SSRP1: variants seen among roughly 807,000 people sequenced by gnomAD.
SSRP1 encodes FACT complex subunit SSRP1.
Under a neutral mutation model 84.4 loss-of-function variants are expected in SSRP1, and 21 were observed. That is an observed-to-expected ratio of 0.25 (90% confidence interval 0.18 to 0.36). The LOEUF (loss-of-function observed/expected upper bound fraction) is 0.36, where lower values mean the gene tolerates loss of function less well. Among genes scored for constraint, SSRP1 ranks in the 10% least tolerant of loss-of-function variants. The probability of loss-of-function intolerance (pLI) is 1.00; values close to 1 mark genes in which losing one functional copy is unlikely to be tolerated. For synonymous variants in SSRP1, 319 were observed against 318.3 expected, an observed-to-expected ratio of 1.00 and a Z score of -0.02; for missense variants, 519 against 900.8, an observed-to-expected ratio of 0.58 and a Z score of 5.43.
chr11:57,329,240 C>T (rs1856044144), intron 12 of SSRP1: 1 of 152,196 alleles, frequency 6.6e-6, no homozygotes, highest in African/African-American at 2.4e-5. Context: ...GCCCGACATT[C>T]TTTTACAATC....
At position 57,335,457 on chromosome 11, in the gene SSRP1, T is replaced by A; in HGVS notation, c.-119-217A>T. ...CTGACACCCAACCCGACGCCCGCTC[T>A]GGCCGCTCCGGCGGGAGCCATGGCA... On this transcript the variant is annotated intron_variant, in intron 1 of 16. Coordinates refer to ENST00000278412, the MANE Select transcript of SSRP1 (RefSeq NM_003146.3). The surrounding 1 kb of genome is among the most constrained non-coding windows in gnomAD (Gnocchi z 4.6). 3.1e-6 allele frequency: 1 copy of A among 324,198 alleles called. No individual in the cohort carries two copies. The highest frequency in any genetic ancestry group is 2.9e-5 in the South Asian group (1 of 34,432). The allele number at this position is 324,198 out of a possible 1,614,324, so 20.1% of individuals were successfully genotyped here.
rs1590607459 is a variant in SSRP1 at position 57,330,541 on chromosome 11, C to A, written c.1297-112G>T. ...AGTCAGAGCAGCAGCTCCCAGAAGACCTGGGGCTGGATTGTCCACACACAG... is the reference window on the plus strand; with the variant it reads ...AGTCAGAGCAGCAGCTCCCAGAAGAACTGGGGCTGGATTGTCCACACACAG... On this transcript the variant is annotated intron_variant, in intron 10 of 16. Coordinates refer to ENST00000278412, the MANE Select transcript of SSRP1 (RefSeq NM_003146.3). The surrounding 1 kb of genome is among the most constrained non-coding windows in gnomAD (Gnocchi z 4.0). 1 of 1,509,314 alleles carries A rather than the reference C, an allele frequency of 6.6e-7. No homozygotes were observed. Among genetic ancestry groups the A allele is most frequent in the East Asian group, 2.3e-5 (1 of 43,034 alleles). 93.5% of individuals were successfully genotyped at this position (1,509,314 alleles called of 1,614,324 possible).
chr11:57,333,573 T>A lies in SSRP1; in HGVS notation c.241-33A>T, dbSNP rs769977148. The A allele has an allele frequency of 6.5e-6, 10 of 1,533,324 alleles. No homozygotes were observed. The East Asian group carries it at 2.3e-4, about 35-fold the overall frequency. 95.0% of individuals were successfully genotyped at this position (1,533,324 alleles called of 1,614,324 possible). ...TGGAGGGAAGAAAGCACAATCCCAGTAAACCTTGGTGGCCTTAACACCGAC... is the reference window on the plus strand; with the variant it reads ...TGGAGGGAAGAAAGCACAATCCCAGAAAACCTTGGTGGCCTTAACACCGAC... On this transcript the variant is annotated intron_variant, in intron 3 of 16. Coordinates refer to ENST00000278412, the MANE Select transcript of SSRP1 (RefSeq NM_003146.3).
In SSRP1 at chr11:57,335,011, A is replaced by C; in HGVS notation, c.54+57T>G. 1.9e-6 allele frequency: 3 copies of C among 1,602,460 alleles called. No homozygotes were observed. The highest frequency in any genetic ancestry group is 2.2e-5 in the South Asian group (2 of 90,702). On this transcript the variant is annotated intron_variant, in intron 2 of 16. Transcript: ENST00000278412. This position sits in a 1 kb window ranked among gnomAD's most constrained non-coding sequence, Gnocchi z 4.6. ...CAAAGCAAGCTCTCATTAATGGACA[A>C]AAACTCTACCCTCCTTCCTTCTCTC... is the stretch of plus-strand genomic sequence containing the variant.
In SSRP1 at chr11:57,327,976, T is replaced by A. The variant is rs867402869; in HGVS notation, c.1612-94A>T. On this transcript the variant is annotated intron_variant, in intron 13 of 16. Coordinates refer to ENST00000278412, the MANE Select transcript of SSRP1 (RefSeq NM_003146.3). The stretch of plus-strand genomic sequence containing the variant: ...TAGATCACTTAACTTGGAGAAAAAG[T>A]GGAGGACTAAATAGCATCAGGCGAG... 7 of 1,468,624 alleles carry A rather than the reference T, an allele frequency of 4.8e-6. No individual in the cohort carries two copies. The Middle Eastern group carries it at 8.8e-4, about 185-fold the overall frequency. 91.0% of individuals were successfully genotyped at this position (1,468,624 alleles called of 1,614,324 possible).
intron 16 of SSRP1, 111 bp from the exon 17 acceptor site, chr11:57,326,589 A>C: frequency 7.3e-7 from 1 of 1,364,478 alleles, no homozygotes; most frequent in Non-Finnish European, 1.0e-6. Context: ...ACCCCCCTTC[A>C]GAACCTCAGA....
At chr11:57,333,917 C>A (rs1279556879) in intron 3 of SSRP1, among the ~76,000 whole-genome samples, 1 of 152,200 alleles carries the variant, frequency 6.6e-6, no homozygotes, top group East Asian at 1.9e-4. Flanking sequence ...TTTGGGAGGC[C>A]AAGGTGGGCG....
Position 57,331,830 on chromosome 11 carries a change from G to A in SSRP1, c.1061C>T (p.Pro354Leu), listed in dbSNP as rs1186583601. ...SYKASSGLLY[P>L]LERGFIYVHK... is the part of the protein sequence containing the mutation. ...GACGTAGATGAAGCCCCGCTCCAGCGGGTAGAGCAGTCCTGAGCTTGCCTT... is the reference window on the plus strand; with the variant it reads ...GACGTAGATGAAGCCCCGCTCCAGCAGGTAGAGCAGTCCTGAGCTTGCCTT... The change falls in exon 9 of 17, where the codon CCG (proline) becomes CTG (leucine). Residue 354 changes from proline to leucine, a missense_variant. Transcript: ENST00000278412. 6 of 1,614,172 alleles carry A rather than the reference G, an allele frequency of 3.7e-6. No individual in the cohort carries two copies. The highest frequency in any genetic ancestry group is 1.1e-5 in the South Asian group (1 of 91,080).
In SSRP1 at chr11:57,332,201, T is replaced by A; in HGVS notation, c.952A>T (p.Met318Leu). The A allele has an allele frequency of 6.2e-7, 1 of 1,613,986 alleles. No individual in the cohort carries two copies. Among genetic ancestry groups the A allele is most frequent in the Non-Finnish European group, 8.5e-7 (1 of 1,180,016 alleles). The change falls in exon 8 of 17, where the codon ATG becomes TTG. Residue 318 changes from methionine (M) to leucine (L), a missense_variant. Around this residue, in one of 7 missense-constraint regions of SSRP1, gnomAD observed 159 missense variants for 359.0 expected, o/e 0.44. Coordinates refer to ENST00000278412, the MANE Select transcript of SSRP1 (RefSeq NM_003146.3). The surrounding 1 kb of genome is among the most constrained non-coding windows in gnomAD (Gnocchi z 5.5). ...ATCTTGCGGTTTACCAGTGCTTTCA[T>A]GACCCGGCTGACCATCTCATAGAGG... ...GSLYEMVSRV[M>L]KALVNRKITV...
chr11:57,329,773 T>C, intron 12 of SSRP1: 1 of 447,304 alleles, frequency 2.2e-6, no homozygotes. Context: ...AATGACTTAC[T>C]CGACAACCCC....
In SSRP1 at chr11:57,327,459, T is replaced by C; in HGVS notation, c.1838A>G (p.Glu613Gly). 6.2e-7 allele frequency: 1 copy of C among 1,614,132 alleles called. No homozygotes were observed. The highest frequency in any genetic ancestry group is 8.5e-7 in the Non-Finnish European group (1 of 1,180,034). ...ARRDYEKAMKEYEGGRGESSK... is the reference protein window; with the variant it reads ...ARRDYEKAMKGYEGGRGESSK... ...AGACTCGCCTCGGCCCCCTTCATAT[T>C]CTTTCATGGCTTTTTCATAGTCCCT... Residue 613 changes from glutamate (E) to glycine (G), a missense_variant, in exon 15 of 17, where the codon GAA (glutamate) becomes GGA (glycine). Around this residue, in one of 7 missense-constraint regions of SSRP1, gnomAD observed 197 missense variants for 265.0 expected, o/e 0.74. Transcript: ENST00000278412.
intron 4 of SSRP1, 90 bp from the exon 5 acceptor site, chr11:57,333,239 G>A (rs1856131963): frequency 1.4e-6 from 2 of 1,419,282 alleles, no homozygotes; most frequent in East Asian, 2.3e-5. Context: ...ACAGAGACAG[G>A]ATACTGCGGT....
intron 14 of SSRP1, 67 bp from the exon 15 acceptor site, chr11:57,327,581 A>G: frequency 6.2e-7 from 1 of 1,606,658 alleles, no homozygotes; most frequent in Non-Finnish European, 8.5e-7. Flanking sequence ...CCCCTGATGC[A>G]GGCAAAATCG....
Position 57,332,963 on chromosome 11 carries a change from A to T in SSRP1, c.533T>A (p.Val178Asp). 1 of 1,609,674 alleles carries T rather than the reference A, an allele frequency of 6.2e-7. No homozygotes were observed. Among genetic ancestry groups the T allele is most frequent in the Non-Finnish European group, 8.5e-7 (1 of 1,176,988 alleles). ...PPTQEDGVDP[V>D]EAFAQNVLSK... ...GGCAACCAGGGGAAGCCTCACCTCA[A>T]CAGGGTCCACACCATCCTCCTGGGT... Residue 178 changes from valine to aspartate, a missense_variant, in exon 5 of 17, where the codon GTT becomes GAT. Coordinates refer to ENST00000278412, the MANE Select transcript of SSRP1 (RefSeq NM_003146.3). The surrounding 1 kb of genome is among the most constrained non-coding windows in gnomAD (Gnocchi z 5.5).
chr11:57,333,119 T>C lies in SSRP1; in HGVS notation c.377A>G (p.Gln126Arg), dbSNP rs1856127798. 1 of 1,612,488 alleles carries C rather than the reference T, an allele frequency of 6.2e-7. No homozygotes were observed. Among genetic ancestry groups the C allele is most frequent in the Non-Finnish European group, 8.5e-7 (1 of 1,178,782 alleles). The change falls in exon 5 of 17, where the codon CAG becomes CGG. Residue 126 changes from glutamine to arginine, a missense_variant. Coordinates refer to ENST00000278412, the MANE Select transcript of SSRP1 (RefSeq NM_003146.3). ...GCTGAGGGGTATCTCAAAGACTGGC[T>C]GGTCACCAATGTCAAAGGAAAGCAG... is the stretch of plus-strand genomic sequence containing the variant. ...GQLLSFDIGDQPVFEIPLSNV... is the reference protein window; with the variant it reads ...GQLLSFDIGDRPVFEIPLSNV...
chr11:57,333,263 C>A, intron 4 of SSRP1, 114 bp from the exon 5 acceptor site: 1 of 1,272,958 alleles, frequency 7.9e-7, no homozygotes. Context: ...TCTGTTTAGA[C>A]TATAACCCCA....
At chr11:57,328,606 G>A in intron 12 of SSRP1, 180 bp from the exon 13 acceptor site, 3 of 831,782 alleles carry the variant, frequency 3.6e-6, no homozygotes, top group Non-Finnish European at 1.8e-6. Context: ...GGTGGCTTCA[G>A]CCATGCCCTC....
rs1188272913 is a variant in SSRP1, at chr11:57,326,377, G to A, written c.*30C>T. The A allele has an allele frequency of 6.2e-7, 1 of 1,610,814 alleles. No homozygotes were observed. The highest frequency in any genetic ancestry group is 1.7e-5 in the Admixed American group (1 of 59,986). On this transcript the variant is annotated 3_prime_UTR_variant, in exon 17 of 17. Transcript: ENST00000278412. ...GGTGGGGAGTCGGGGGGTGTGAGAA[G>A]GCAAGCGCAAAGAGAACCTTCCTCC...
In SSRP1 at chr11:57,332,274, T is replaced by G; in HGVS notation, c.879A>C (p.Glu293Asp). 6.2e-7 allele frequency: 1 copy of G among 1,614,062 alleles called. No homozygotes were observed. Among genetic ancestry groups the G allele is most frequent in the Non-Finnish European group, 8.5e-7 (1 of 1,180,022 alleles). ...GCCGACCCTCAAAGCGCTTCTCCAC[T>G]TCTTCCCTACAAAGAAAGCAAGGTG... ...ISLTLNMNEE[E>D]VEKRFEGRLT... Residue 293 changes from glutamate to aspartate, a missense_variant, in exon 8 of 17, where the codon GAA becomes GAC. By Grantham distance (45) the Glu-to-Asp change is conservative (BLOSUM62 2). Coordinates refer to ENST00000278412, the MANE Select transcript of SSRP1 (RefSeq NM_003146.3). The surrounding 1 kb of genome is among the most constrained non-coding windows in gnomAD (Gnocchi z 5.5).
Sources: gnomAD v4.1 joint callset for allele counts (sites outside exome capture counted in the v4.1 genomes callset) on GRCh38, gnomAD v4.1.1 for gene constraint, gnomAD v4.1.1 regional missense constraint, Gnocchi (gnomAD v3.1) non-coding constraint, MANE v1.5 for transcripts, NCBI Gene and HGNC (gene_info 2026-07-23, HGNC 2026-07-21) for gene names.